The following SYNE3 variants were observed in gnomAD, a reference collection of about 807,000 sequenced individuals.
The protein encoded by SYNE3 is nesprin-3.
In SYNE3, 100 loss-of-function variants were observed where a neutral mutation model predicts 111.2. That is an observed-to-expected ratio of 0.90 (90% confidence interval 0.77 to 1.06). SYNE3 has a LOEUF of 1.06. SYNE3 is among the 50% of genes least tolerant of loss of function. The probability of loss-of-function intolerance (pLI) is 0.00; values close to 1 mark genes in which losing one functional copy is unlikely to be tolerated. For missense variants in SYNE3, 1,160 were observed against 1,240.3 expected, an observed-to-expected ratio of 0.94 and a Z score of 0.97; for synonymous variants, 547 against 533.9, an observed-to-expected ratio of 1.02 and a Z score of -0.34.
At chr14:95,440,898 C>G (rs557891497) in intron 11 of SYNE3, among the ~76,000 whole-genome samples, 1 of 152,344 alleles carries the variant, frequency 6.6e-6, no homozygotes, top group East Asian at 1.9e-4. Flanking sequence ...AATCGAGCTG[C>G]ACACTCAGAT....
rs1443970892 is a variant in SYNE3 at position 95,443,308 on chromosome 14, C to T, written c.1777-19G>A. The T allele has an allele frequency of 1.9e-6, 3 of 1,613,798 alleles. No homozygotes were observed. The African/African-American group carries it at 4.0e-5, about 22-fold the overall frequency. ...GCAGCCCCTGCAGTAGAGAAGGGAACAGGTAGGCTAATCTTCCCACCTCTC... is the reference window on the plus strand; with the variant it reads ...GCAGCCCCTGCAGTAGAGAAGGGAATAGGTAGGCTAATCTTCCCACCTCTC... On this transcript the variant is annotated intron_variant, in intron 10 of 17. Transcript: ENST00000682763.
At chr14:95,460,488 T>C (rs748904748) in intron 4 of SYNE3, among the ~76,000 whole-genome samples, 15 of 151,596 alleles carry the variant, frequency 9.9e-5, no homozygotes, top group Middle Eastern at 3.4e-3. Context: ...CTCAAAGTGC[T>C]GGGATTACAG....
At chr14:95,494,715 G>A (rs949657257) in intron 1 of SYNE3, among the ~76,000 whole-genome samples, 3 of 152,204 alleles carry the variant, frequency 2.0e-5, no homozygotes, top group African/African-American at 4.8e-5. Flanking sequence ...GGACCAAGCA[G>A]GGCCCTTGCA....
At position 95,432,093 on chromosome 14, in the gene SYNE3, T is replaced by C. The variant is rs559676188; in HGVS notation, c.2713A>G (p.Thr905Ala). The C allele has an allele frequency of 6.2e-7, 1 of 1,612,586 alleles. No homozygotes were observed. Among genetic ancestry groups the C allele is most frequent in the African/African-American group, 1.3e-5 (1 of 74,982 alleles). ...LLTQSSPGEP[T>A]GFQKTRRWRG... ...AGACACTGTACCTTTTGGAATCCAG[T>C]CGGCTCCCCTGGAGAACTTTGTGTC... The change falls in exon 17 of 18, where the codon ACT (threonine) becomes GCT (alanine). Residue 905 changes from threonine (T) to alanine (A), a missense_variant. By Grantham distance (58) the Thr-to-Ala change is moderately conservative. Coordinates refer to ENST00000682763, the MANE Select transcript of SYNE3 (RefSeq NM_152592.6).
chr14:95,437,050 C>G (rs1415687123), intron 14 of SYNE3, 69 bp from the exon 15 acceptor site: 1 of 1,596,534 alleles, frequency 6.3e-7, no homozygotes, highest in Non-Finnish European at 8.5e-7. Flanking sequence ...CCTGGGAATT[C>G]CACCTGAGGC....
intron 2 of SYNE3, among the ~76,000 whole-genome samples, chr14:95,474,851 C>A (rs890249439): frequency 2.6e-4 from 39 of 152,186 alleles, no homozygotes; most frequent in Non-Finnish European, 5.1e-4. Flanking sequence ...GAGAAGGCAG[C>A]ACCCCACCCC....
chr14:95,504,537 G>T (rs1348366104), intron 1 of SYNE3, among the ~76,000 whole-genome samples: 1 of 152,182 alleles, frequency 6.6e-6, no homozygotes, highest in Admixed American at 6.5e-5. Context: ...TCATTTAGGG[G>T]GCCTTTGCCA....
At chr14:95,505,027 G>A (rs1162383929) in intron 1 of SYNE3, among the ~76,000 whole-genome samples, 5 of 152,202 alleles carry the variant, frequency 3.3e-5, no homozygotes, top group Non-Finnish European at 7.3e-5. Flanking sequence ...CCTGGGGGAA[G>A]GGACCCTATT....
intron 16 of SYNE3, among the ~76,000 whole-genome samples, chr14:95,432,643 T>TATTATTA (rs1410073387): frequency 5.2e-4 from 65 of 124,560 alleles, no homozygotes; most frequent in African/African-American, 2.2e-3. Flanking sequence ...CTATTATTAT[T>TATTATTA]ATTATTATTA....
intron 1 of SYNE3, among the ~76,000 whole-genome samples, chr14:95,477,422 C>G (rs2139517718): frequency 6.6e-6 from 1 of 152,156 alleles, no homozygotes; most frequent in East Asian, 1.9e-4. Flanking sequence ...TTATTTTTCT[C>G]TATTAAGCAC....
rs897119089 is a variant in SYNE3, at chr14:95,410,205, C to G, written c.*7621G>C. 6.6e-6 allele frequency: 1 copy of G among 152,290 alleles called. No homozygotes were observed. The highest frequency in any genetic ancestry group is 6.6e-5 in the Admixed American group (1 of 15,260). 9.4% of individuals were successfully genotyped at this position (152,290 alleles called of 1,614,324 possible). On this transcript the variant is annotated 3_prime_UTR_variant, in exon 18 of 18. Transcript: ENST00000682763. ...GGTCCCCTGAGAGGAGGTGGCAGGC[C>G]GTGGTGGCAGGTCACTCTCACACTG...
At chr14:95,490,137 T>C (rs1410743554) in intron 1 of SYNE3, among the ~76,000 whole-genome samples, 1 of 152,266 alleles carries the variant, frequency 6.6e-6, no homozygotes, top group Non-Finnish European at 1.5e-5. Flanking sequence ...TTGGGGCTTT[T>C]TCTAACGGAA....
intron 1 of SYNE3, among the ~76,000 whole-genome samples, chr14:95,483,652 C>T (rs1187738): frequency 0.41 from 62,008 of 151,930 alleles, 13,589 homozygotes; most frequent in Admixed American, 0.55. Flanking sequence ...AGGAACTCAA[C>T]GGTAGCGCCC....
chr14:95,431,343 C>T (rs1885750387), intron 17 of SYNE3, among the ~76,000 whole-genome samples: 1 of 152,192 alleles, frequency 6.6e-6, no homozygotes, highest in Non-Finnish European at 1.5e-5. Flanking sequence ...TCACTTCAGG[C>T]TTGCCCCTTC....
chr14:95,501,727 G>C (rs1890343667), intron 1 of SYNE3, among the ~76,000 whole-genome samples: 1 of 151,710 alleles, frequency 6.6e-6, no homozygotes. Context: ...AAGGGCATGG[G>C]GGGAAGCAAC....
At position 95,412,006 on chromosome 14, in the gene SYNE3, C is replaced by T. The variant is rs946007568; in HGVS notation, c.*5820G>A. 1 of 152,346 alleles carries T rather than the reference C, an allele frequency of 6.6e-6. No homozygotes were observed. Among genetic ancestry groups the T allele is most frequent in the African/African-American group, 2.4e-5 (1 of 41,452 alleles). 9.4% of individuals were successfully genotyped at this position (152,346 alleles called of 1,614,324 possible). A position where few individuals can be genotyped will look rare whatever the true frequency, so the allele number is the denominator to read the frequency against. On this transcript the variant is annotated 3_prime_UTR_variant, in exon 18 of 18. Transcript: ENST00000682763. ...AACATCCACAGCCTTAGCCTTAAGC[C>T]TCCCCTTGAAGCCTCCAGGAGCCTC...
chr14:95,425,794 T>C (rs1187755), intron 17 of SYNE3, among the ~76,000 whole-genome samples: 86,393 of 151,716 alleles, frequency 0.57, 26,100 homozygotes, highest in Non-Finnish European at 0.67. Context: ...AAAGAGACTA[T>C]TGAGACAGCT....
intron 15 of SYNE3, among the ~76,000 whole-genome samples, chr14:95,436,227 A>G (rs1886077474): frequency 6.6e-6 from 1 of 152,180 alleles, no homozygotes; most frequent in African/African-American, 2.4e-5. Flanking sequence ...TTTGGCAAAC[A>G]GAATGCAGGG....
At chr14:95,453,494 G>T (rs1248203801) in intron 6 of SYNE3, among the ~76,000 whole-genome samples, 1 of 152,246 alleles carries the variant, frequency 6.6e-6, no homozygotes, top group Non-Finnish European at 1.5e-5. Flanking sequence ...TAGGCAGAAG[G>T]ACACAGAATC....
Sources: allele counts gnomAD v4.1 joint callset (sites outside exome capture counted in the v4.1 genomes callset), GRCh38; gene constraint gnomAD v4.1.1; transcripts MANE v1.5; gene names NCBI Gene and HGNC (gene_info 2026-07-23, HGNC 2026-07-21).